Variants in PPP3CC observed in about 807,000 individuals in gnomAD.
PPP3CC encodes the protein protein phosphatase 3 catalytic subunit gamma.
PPP3CC carries 35 observed loss-of-function variants against 60.3 expected under a neutral mutation model. That is an observed-to-expected ratio of 0.58 (90% CI 0.44 to 0.77). PPP3CC has a LOEUF of 0.77. PPP3CC is among the 30% of genes least tolerant of loss of function. PPP3CC has a pLI of 0.00. For synonymous variants in PPP3CC, 206 were observed against 224.3 expected (o/e 0.92, Z 0.73); for missense variants, 570 against 628.9 (o/e 0.91, Z 1.00).
chr8:22,480,923 A>G (rs1028739690), intron 3 of PPP3CC, among the ~76,000 whole-genome samples: 2 of 152,236 alleles, frequency 1.3e-5, no homozygotes, highest in Non-Finnish European at 2.9e-5. Flanking sequence ...CCTTGTTTCT[A>G]TAAAAATAAA....
chr8:22,480,080 T>C (rs1479292022), intron 3 of PPP3CC, among the ~76,000 whole-genome samples: 6 of 151,928 alleles, frequency 3.9e-5, no homozygotes, highest in African/African-American at 1.5e-4. Context: ...CTTGTTGAAG[T>C]CTTTTCCATG....
intron 1 of PPP3CC, 151 bp from the exon 2 acceptor site, chr8:22,474,803 T>C (rs1837836968): frequency 5.2e-6 from 2 of 382,154 alleles, no homozygotes; most frequent in Non-Finnish European, 8.9e-6. Flanking sequence ...TTATGATACA[T>C]AGTATCTTAG....
At chr8:22,449,818 T>C (rs193051107) in intron 1 of PPP3CC, among the ~76,000 whole-genome samples, 1 of 151,712 alleles carries the variant, frequency 6.6e-6, no homozygotes, top group East Asian at 1.9e-4. Context: ...GACATCAATT[T>C]CATTAATGGG....
chr8:22,446,931 G>A (rs1249630714), intron 1 of PPP3CC, among the ~76,000 whole-genome samples: 1 of 151,298 alleles, frequency 6.6e-6, no homozygotes, highest in Non-Finnish European at 1.5e-5. Context: ...ATTGCTAAAT[G>A]ACTAATGGGA....
rs1235320558 is a variant in PPP3CC at position 22,527,536 on chromosome 8, A to G, written c.1069+19A>G. ...GAAAAAGGTAAGAGAACTAAAGCAC[A>G]TGTCTCATCAGTTGTTTGGTGACTG... On this transcript the variant is annotated intron_variant, in intron 9 of 13. Coordinates refer to ENST00000240139, the MANE Select transcript of PPP3CC (RefSeq NM_005605.5). 8 of 1,611,972 alleles carry G rather than the reference A, an allele frequency of 5.0e-6. No individual in the cohort carries two copies. Among genetic ancestry groups the G allele is most frequent in the Non-Finnish European group, 5.9e-6 (7 of 1,179,046 alleles).
chr8:22,462,331 CAAGTACT>C (rs1223150278), intron 1 of PPP3CC, among the ~76,000 whole-genome samples: 2 of 152,096 alleles, frequency 1.3e-5, no homozygotes, highest in Non-Finnish European at 2.9e-5. Context: ...ATCTGTTTTG[CAAGTACT>C]AAGTGCTTTT....
chr8:22,516,412 G>C (rs1018417342), intron 6 of PPP3CC, among the ~76,000 whole-genome samples: 1 of 152,134 alleles, frequency 6.6e-6, no homozygotes, highest in Non-Finnish European at 1.5e-5. Context: ...ATCTTTCAAA[G>C]GTATTTGTAC....
intron 3 of PPP3CC, among the ~76,000 whole-genome samples, chr8:22,477,730 C>T (rs1837937038): frequency 6.6e-6 from 1 of 151,976 alleles, no homozygotes; most frequent in African/African-American, 2.4e-5. Context: ...CCTCCAACTC[C>T]TGGATTCAAG....
intron 1 of PPP3CC, among the ~76,000 whole-genome samples, chr8:22,456,873 A>C (rs1222434945): frequency 6.6e-6 from 1 of 152,210 alleles, no homozygotes; most frequent in Non-Finnish European, 1.5e-5. Flanking sequence ...ATTTTTAATG[A>C]AATACAGGTA....
chr8:22,484,500 C>A (rs181200143), intron 3 of PPP3CC, among the ~76,000 whole-genome samples: 4 of 152,080 alleles, frequency 2.6e-5, no homozygotes, highest in South Asian at 2.1e-4. Flanking sequence ...TGGAATAAGG[C>A]CAAACTTAAT....
In PPP3CC at chr8:22,497,898, A is replaced by G. The variant is rs569397061; in HGVS notation, c.373-103A>G. On this transcript the variant is annotated intron_variant, in intron 3 of 13. Transcript: ENST00000240139. Reference sequence around the variant, plus strand: ...GGTTTCATTTTTCAATTTGGGAGTAACAATGAGATATGCCATTACAGCAAG... The same window carrying G: ...GGTTTCATTTTTCAATTTGGGAGTAGCAATGAGATATGCCATTACAGCAAG... The G allele has an allele frequency of 5.8e-6, 4 of 694,578 alleles. No homozygotes were observed. The Admixed American group carries it at 9.5e-5, about 16-fold the overall frequency. The allele number at this position is 694,578 out of a possible 1,614,324, so 43.0% of individuals were successfully genotyped here. A position where few individuals can be genotyped will look rare whatever the true frequency, so the allele number is the denominator to read the frequency against.
At chr8:22,485,948 A>G (rs556891519) in intron 3 of PPP3CC, among the ~76,000 whole-genome samples, 9 of 152,308 alleles carry the variant, frequency 5.9e-5, no homozygotes, top group Non-Finnish European at 2.9e-5. Flanking sequence ...TCATTTCAGT[A>G]GCCATTAGAT....
chr8:22,499,532 C>T (rs145063312), intron 4 of PPP3CC, among the ~76,000 whole-genome samples: 10 of 151,686 alleles, frequency 6.6e-5, no homozygotes, highest in East Asian at 1.9e-4. Context: ...TGAGGCTAGA[C>T]GATCCCTTCA....
rs1039950206 is a variant in PPP3CC, at chr8:22,541,056, C to G, written c.*254C>G. The G allele has an allele frequency of 1.5e-5, 4 of 268,102 alleles. No individual in the cohort carries two copies. The South Asian group carries it at 3.1e-4, about 21-fold the overall frequency. The allele number at this position is 268,102 out of a possible 1,614,324, so 16.6% of individuals were successfully genotyped here. A position where few individuals can be genotyped will look rare whatever the true frequency, so the allele number is the denominator to read the frequency against. ...TTTAAGAAATGAATCTGATTGTTGT[C>G]AACACATTTGTGAAGTCTTGTGCTA... On this transcript the variant is annotated 3_prime_UTR_variant, in exon 14 of 14. Transcript: ENST00000240139.
chr8:22,528,456 G>A, intron 9 of PPP3CC, 50 bp from the exon 10 acceptor site: 5 of 1,274,472 alleles, frequency 3.9e-6, no homozygotes, highest in Non-Finnish European at 4.3e-6. Context: ...TTATTTTAGA[G>A]AAAGTACCTC....
chr8:22,511,302 T>C, intron 5 of PPP3CC, 71 bp downstream of exon 5: 1 of 1,484,054 alleles, frequency 6.7e-7, no homozygotes, highest in Non-Finnish European at 9.2e-7. Flanking sequence ...TGTTGTTGTT[T>C]GCTTTGAGAC....
intron 4 of PPP3CC, among the ~76,000 whole-genome samples, chr8:22,502,561 G>T (rs1390594478): frequency 6.6e-6 from 1 of 152,104 alleles, no homozygotes; most frequent in Non-Finnish European, 1.5e-5. Context: ...GGTGGCATGT[G>T]CCTATAGTTG....
At chr8:22,469,215 CTTAAG>C (rs1246218012) in intron 1 of PPP3CC, among the ~76,000 whole-genome samples, 2 of 152,024 alleles carry the variant, frequency 1.3e-5, no homozygotes, top group South Asian at 2.1e-4. Context: ...AGGTCATTAT[CTTAAG>C]TTAAATAAGC....
chr8:22,513,661 C>G (rs934607584), intron 6 of PPP3CC, among the ~76,000 whole-genome samples: 40 of 152,202 alleles, frequency 2.6e-4, no homozygotes, highest in African/African-American at 7.9e-4. Context: ...CTGCAGTGCT[C>G]TGATATTTTT....
Sources: gnomAD v4.1 joint callset for allele counts (sites outside exome capture counted in the v4.1 genomes callset) on GRCh38, gnomAD v4.1.1 for gene constraint, MANE v1.5 for transcripts, NCBI Gene and HGNC (gene_info 2026-07-23, HGNC 2026-07-21) for gene names.